Variants in TRPC7 observed in about 807,000 individuals in gnomAD.
TRPC7 encodes the protein short transient receptor potential channel 7.
Under a neutral mutation model 90.1 loss-of-function variants are expected in TRPC7, and 42 were observed. The ratio of observed to expected loss-of-function variants is 0.47; its 90% confidence interval spans 0.36 to 0.60. The LOEUF (loss-of-function observed/expected upper bound fraction) is 0.60. TRPC7 is among the 20% of genes least tolerant of loss of function. The probability of loss-of-function intolerance (pLI) is 0.00; values close to 1 mark genes in which losing one functional copy is unlikely to be tolerated. For missense variants in TRPC7, 955 were observed against 1,112.3 expected, an observed-to-expected ratio of 0.86 and a Z score of 2.01; for synonymous variants, 451 against 436.3, an observed-to-expected ratio of 1.03 and a Z score of -0.42.
chr5:136,220,520 C>T (rs189539260), intron 10 of TRPC7, among the ~76,000 whole-genome samples: 1 of 152,260 alleles, frequency 6.6e-6, no homozygotes, highest in Non-Finnish European at 1.5e-5. Flanking sequence ...GGAGAAGAAA[C>T]CCCACCCTGG....
chr5:136,356,987 C>A lies in TRPC7; in HGVS notation c.401G>T (p.Gly134Val), dbSNP rs376824372. 6.2e-7 allele frequency: 1 copy of A among 1,612,404 alleles called. No homozygotes were observed. Among genetic ancestry groups the A allele is most frequent in the Admixed American group, 1.7e-5 (1 of 59,992 alleles). ...AILNHPAFAQ[G>V]QRLTLSPLEQ... ...CAGCGGGCTGAGCGTCAGGCGCTGGCCCTGCGCGAAGGCCGGGTGGTTGAG... is the reference window on the plus strand; with the variant it reads ...CAGCGGGCTGAGCGTCAGGCGCTGGACCTGCGCGAAGGCCGGGTGGTTGAG... Residue 134 changes from glycine to valine, a missense_variant, in exon 2 of 12, where the codon GGC becomes GTC. Gly to Val is a moderately radical substitution (Grantham distance 109). Around this residue, in one of 4 missense-constraint regions of TRPC7, gnomAD observed 484 missense variants for 509.6 expected, o/e 0.95. Transcript: ENST00000513104.
intron 3 of TRPC7, among the ~76,000 whole-genome samples, chr5:136,305,379 C>A: frequency 6.6e-6 from 1 of 152,198 alleles, no homozygotes; most frequent in Non-Finnish European, 1.5e-5. Flanking sequence ...CTCTCAGAAC[C>A]TCTCATTTCC....
At chr5:136,337,832 G>C (rs1759714183) in intron 2 of TRPC7, among the ~76,000 whole-genome samples, 1 of 152,124 alleles carries the variant, frequency 6.6e-6, no homozygotes, top group African/African-American at 2.4e-5. Context: ...ATTCCGAAAT[G>C]AGATGGAAAA....
intron 8 of TRPC7, among the ~76,000 whole-genome samples, chr5:136,230,359 G>A (rs555208977): frequency 8.5e-5 from 13 of 152,276 alleles, no homozygotes; most frequent in South Asian, 8.3e-4. Context: ...CAGGCACCCC[G>A]TGGTGTCTTT....
At chr5:136,360,127 G>A (rs1051481467) in intron 1 of TRPC7, among the ~76,000 whole-genome samples, 2 of 152,104 alleles carry the variant, frequency 1.3e-5, no homozygotes, top group African/African-American at 4.8e-5. Flanking sequence ...TTAACTCAAA[G>A]GAAATTTAAT....
chr5:136,343,374 C>T (rs547835196), intron 2 of TRPC7, among the ~76,000 whole-genome samples: 25 of 152,194 alleles, frequency 1.6e-4, no homozygotes, highest in Admixed American at 1.5e-3. Flanking sequence ...TCTGACCTTC[C>T]CCAGCCTTTG....
intron 7 of TRPC7, among the ~76,000 whole-genome samples, chr5:136,236,873 A>G (rs528385737): frequency 2.2e-4 from 34 of 152,296 alleles, no homozygotes; most frequent in Middle Eastern, 6.8e-3. Context: ...CAGTTCAGTT[A>G]CCTAATCAAA....
intron 2 of TRPC7, among the ~76,000 whole-genome samples, chr5:136,317,614 T>C (rs1759062357): frequency 6.6e-6 from 1 of 152,204 alleles, no homozygotes; most frequent in African/African-American, 2.4e-5. Context: ...GCAACTCAGG[T>C]TCCTTAAATT....
intron 8 of TRPC7, among the ~76,000 whole-genome samples, chr5:136,228,339 C>T (rs967556204): frequency 2.7e-5 from 4 of 149,868 alleles, no homozygotes; most frequent in South Asian, 4.2e-4. Context: ...GAAGAGGCAG[C>T]GAGAAGTGTA....
intron 2 of TRPC7, among the ~76,000 whole-genome samples, chr5:136,332,938 TTTC>T (rs1267237385): frequency 4.6e-5 from 7 of 152,186 alleles, no homozygotes; most frequent in African/African-American, 1.7e-4. Flanking sequence ...ATCTCGCAGT[TTTC>T]TTTGTCCTTC....
intron 5 of TRPC7, among the ~76,000 whole-genome samples, chr5:136,255,929 A>C (rs1756673596): frequency 6.6e-6 from 1 of 152,196 alleles, no homozygotes; most frequent in Non-Finnish European, 1.5e-5. Flanking sequence ...CAGGAAATAA[A>C]ATTGGGCTCA....
intron 2 of TRPC7, among the ~76,000 whole-genome samples, chr5:136,318,379 G>A (rs562385698): frequency 3.3e-5 from 5 of 152,168 alleles, no homozygotes; most frequent in South Asian, 2.1e-4. Flanking sequence ...TTATAAAAAC[G>A]CCACAATGGA....
chr5:136,356,890 C>G lies in TRPC7; in HGVS notation c.498G>C (p.Thr166=). The change falls in exon 2 of 12, where the codon ACG becomes ACC. Residue 166 remains threonine, a synonymous_variant. Transcript: ENST00000513104. ...GGCAGTGCGCCGCCAGGATGATGGG[C>G]GTGATGTCGTGGGAGAAGCGCGTGC... is the stretch of plus-strand genomic sequence containing the variant. ...EDGTRFSHDI[T]PIILAAHCQE... is the part of the protein sequence containing the mutation. The G allele has an allele frequency of 6.2e-7, 1 of 1,613,876 alleles. No individual in the cohort carries two copies. Among genetic ancestry groups the G allele is most frequent in the Non-Finnish European group, 8.5e-7 (1 of 1,179,956 alleles).
chr5:136,314,637 T>C (rs1301491698), intron 3 of TRPC7, among the ~76,000 whole-genome samples: 1 of 152,154 alleles, frequency 6.6e-6, no homozygotes, highest in East Asian at 1.9e-4. Flanking sequence ...TTCACAGATA[T>C]ATATATGGTT....
At chr5:136,229,390 T>C (rs1271974512) in intron 8 of TRPC7, among the ~76,000 whole-genome samples, 2 of 152,120 alleles carry the variant, frequency 1.3e-5, no homozygotes, top group African/African-American at 2.4e-5. Flanking sequence ...AGAGTACTCT[T>C]TTTTGGGGAG....
At position 136,356,939 on chromosome 5, in the gene TRPC7, T is replaced by A; in HGVS notation, c.449A>T (p.Asp150Val). 6.2e-7 allele frequency: 1 copy of A among 1,613,110 alleles called. No individual in the cohort carries two copies. Among genetic ancestry groups the A allele is most frequent in the Non-Finnish European group, 8.5e-7 (1 of 1,179,738 alleles). Residue 150 changes from aspartate (D) to valine (V), a missense_variant, in exon 2 of 12, where the codon GAC becomes GTC. Around this residue, in one of 4 missense-constraint regions of TRPC7, gnomAD observed 484 missense variants for 509.6 expected, o/e 0.95. Coordinates refer to ENST00000513104, the MANE Select transcript of TRPC7 (RefSeq NM_020389.3). The part of the protein sequence containing the change: ...SPLEQELRDD[D>V]FYAYDEDGTR... The stretch of plus-strand genomic sequence containing the variant: ...GCCGTCCTCGTCGTAGGCATAGAAG[T>A]CGTCGTCGCGCAGCTCCTGTTCCAG...
intron 6 of TRPC7, 52 bp downstream of exon 6, chr5:136,251,596 GC>G (rs748120909): frequency 3.6e-5 from 50 of 1,391,380 alleles, no homozygotes; most frequent in Non-Finnish European, 4.9e-5. Context: ...GAAGCACCAG[GC>G]CCACGTCCCG....
At chr5:136,358,117 A>G (rs1424511380) in intron 1 of TRPC7, among the ~76,000 whole-genome samples, 1 of 152,182 alleles carries the variant, frequency 6.6e-6, no homozygotes, top group Non-Finnish European at 1.5e-5. Flanking sequence ...CTAGGCACCT[A>G]TTAAAGGGCA....
rs1756535818 is a variant in TRPC7, at chr5:136,251,945, G to T, written c.1346-63C>A. 13 of 1,294,492 alleles carry T rather than the reference G, an allele frequency of 1.0e-5. No individual in the cohort carries two copies. In the Admixed American group the frequency reaches 1.9e-4, roughly 19 times the overall value. 80.2% of individuals were successfully genotyped at this position (1,294,492 alleles called of 1,614,324 possible). ...TCTCTTGGCATTTGTGACCGCATGA[G>T]GTCATGGAGGGAACCAGAGTACAAA... On this transcript the variant is annotated intron_variant, in intron 5 of 11. Transcript: ENST00000513104.
Sources: allele counts gnomAD v4.1 joint callset (sites outside exome capture counted in the v4.1 genomes callset), GRCh38; gene constraint gnomAD v4.1.1; regional missense constraint gnomAD v4.1.1; transcripts MANE v1.5; gene names NCBI Gene and HGNC (gene_info 2026-07-23, HGNC 2026-07-21).